Variants in HPCAL1 observed in about 807,000 individuals in gnomAD.
HPCAL1 encodes the protein hippocalcin-like protein 1.
Under a neutral mutation model 17.1 loss-of-function variants are expected in HPCAL1, and 8 were observed. The observed-to-expected ratio is 0.47, with a 90% CI of 0.27 to 0.84. The LOEUF (loss-of-function observed/expected upper bound fraction) is 0.84. Ranked by LOEUF, HPCAL1 falls within the 40% of genes least tolerant of loss-of-function variation. The pLI, the probability that HPCAL1 is intolerant of heterozygous loss-of-function variation, is 0.13. For missense variants in HPCAL1, 165 were observed against 271.1 expected (o/e 0.61, Z 2.75); for synonymous variants, 112 against 111.4 (o/e 1.01, Z -0.03).
chr2:10,417,940 A>G (rs10929663), intron 2 of HPCAL1, among the ~76,000 whole-genome samples: 105,490 of 151,494 alleles, frequency 0.7, 38,459 homozygotes, highest in African/African-American at 0.92. Context: ...TACTCAGGAG[A>G]CTGAGGTGGG....
rs182001240 is a variant in HPCAL1, at chr2:10,422,117, C to G, written c.379-866C>G. Among the ~76,000 whole-genome samples the G allele has an allele frequency of 7.8e-3, 1,193 of 152,296 alleles. 10 individuals carry two copies. Among genetic ancestry groups the G allele is most frequent in the Non-Finnish European group, 0.014 (921 of 68,018 alleles). On this transcript the variant is annotated intron_variant, in intron 3 of 4. Coordinates refer to ENST00000307845, the MANE Select transcript of HPCAL1 (RefSeq NM_002149.4). ...AGCAGTGAGGAGCAGCCACTTCTGTCCAAACGGGACAGCCCCCAAACCAAG... is the reference window on the plus strand; with the variant it reads ...AGCAGTGAGGAGCAGCCACTTCTGTGCAAACGGGACAGCCCCCAAACCAAG...
At chr2:10,345,487 G>T (rs1311300796) in intron 1 of HPCAL1, among the ~76,000 whole-genome samples, 3 of 151,226 alleles carry the variant, frequency 2.0e-5, no homozygotes, top group African/African-American at 7.3e-5. Flanking sequence ...TTGAGACAGG[G>T]TCTTGCTGTC....
Position 10,348,204 on chromosome 2 carries a change from C to T in HPCAL1, c.-111+45027C>T, listed in dbSNP as rs59560367. 1.3e-4 allele frequency among the ~76,000 whole-genome samples: 20 copies of T among 152,328 alleles called. No individual in the cohort carries two copies. The East Asian group carries it at 3.5e-3, about 26-fold the overall frequency. On this transcript the variant is annotated intron_variant, in intron 1 of 4. Transcript: ENST00000307845. ...GTGGCTCATGCCTGTAATCCCAGCACTTTGGGAGGCCAAGGTGGGCAGTTC... is the reference window on the plus strand; with the variant it reads ...GTGGCTCATGCCTGTAATCCCAGCATTTTGGGAGGCCAAGGTGGGCAGTTC...
chr2:10,408,069 G>A (rs1670084936), intron 2 of HPCAL1, among the ~76,000 whole-genome samples: 1 of 152,212 alleles, frequency 6.6e-6, no homozygotes, highest in African/African-American at 2.4e-5. Context: ...AAGGTGTGCA[G>A]GGACAGCCAC....
rs1323659018 is a variant in HPCAL1, at chr2:10,359,133, A to G, written c.-110-37702A>G. Among the ~76,000 whole-genome samples, 1 of 151,950 alleles carries G rather than the reference A, an allele frequency of 6.6e-6. No homozygotes were observed. Among genetic ancestry groups the G allele is most frequent in the African/African-American group, 2.4e-5 (1 of 41,282 alleles). ...CACTGACGAAGCGAGCCATACCCCC[A>G]TCACATGCCCTTTGAGGGGGAAAAG... On this transcript the variant is annotated intron_variant, in intron 1 of 4. Coordinates refer to ENST00000307845, the MANE Select transcript of HPCAL1 (RefSeq NM_002149.4). The surrounding 1 kb of genome is among the most constrained non-coding windows in gnomAD (Gnocchi z 4.1).
intron 1 of HPCAL1, among the ~76,000 whole-genome samples, chr2:10,350,336 T>C (rs1665764713): frequency 6.6e-6 from 1 of 151,290 alleles, no homozygotes; most frequent in African/African-American, 2.4e-5. Context: ...TTTTTTTTTT[T>C]TGAGGCAGGG....
intron 2 of HPCAL1, among the ~76,000 whole-genome samples, chr2:10,416,703 T>C (rs1443465512): frequency 7.2e-4 from 86 of 119,236 alleles, no homozygotes; most frequent in South Asian, 5.8e-3. Context: ...TACATTCCCT[T>C]TTTTTTTTTT....
intron 2 of HPCAL1, among the ~76,000 whole-genome samples, chr2:10,415,129 G>C (rs913431480): frequency 1.3e-5 from 2 of 152,206 alleles, no homozygotes; most frequent in African/African-American, 4.8e-5. Context: ...ACATAGCGCA[G>C]AGTGGGACAG....
intron 1 of HPCAL1, among the ~76,000 whole-genome samples, chr2:10,345,657 A>G (rs972281041): frequency 3.3e-5 from 5 of 151,952 alleles, no homozygotes; most frequent in African/African-American, 9.7e-5. Flanking sequence ...GGGTCTTGCT[A>G]TGCTGCCTGG....
In HPCAL1 at chr2:10,330,864, A is replaced by G. The variant is rs1341469355; in HGVS notation, c.-111+27687A>G. Reference sequence around the variant, plus strand: ...TGCGGACCCCGATCATCTTTGTGAGAATGCAGGTTCCCAGGCCCACACCGT... The same window carrying G: ...TGCGGACCCCGATCATCTTTGTGAGGATGCAGGTTCCCAGGCCCACACCGT... On this transcript the variant is annotated intron_variant, in intron 1 of 4. Transcript: ENST00000307845. The surrounding 1 kb of genome is among the most constrained non-coding windows in gnomAD (Gnocchi z 4.2). 6.6e-6 allele frequency among the ~76,000 whole-genome samples: 1 copy of G among 152,146 alleles called. No homozygotes were observed. Among genetic ancestry groups the G allele is most frequent in the Non-Finnish European group, 1.5e-5 (1 of 68,028 alleles).
At chr2:10,403,538 C>CAGTAGTGT (rs1275733520) in intron 2 of HPCAL1, among the ~76,000 whole-genome samples, 2 of 150,958 alleles carry the variant, frequency 1.3e-5, no homozygotes, top group Non-Finnish European at 2.9e-5. Flanking sequence ...GGCTGGAGTG[C>CAGTAGTGT]AGTAGTGTGA....
At chr2:10,382,421 T>C (rs1038737592) in intron 1 of HPCAL1, among the ~76,000 whole-genome samples, 1 of 152,018 alleles carries the variant, frequency 6.6e-6, no homozygotes, top group African/African-American at 2.4e-5. Context: ...TGAGTCCTAA[T>C]GTAACCTACG....
chr2:10,381,977 C>T (rs6710415), intron 1 of HPCAL1, among the ~76,000 whole-genome samples: 26,998 of 152,264 alleles, frequency 0.18, 3,080 homozygotes, highest in East Asian at 0.49. Context: ...CATGGGTGTT[C>T]ATAGCGACTT....
At chr2:10,313,973 G>C (rs1572616780) in intron 1 of HPCAL1, among the ~76,000 whole-genome samples, 1 of 151,794 alleles carries the variant, frequency 6.6e-6, no homozygotes, top group Non-Finnish European at 1.5e-5. Context: ...TCTACTAAAA[G>C]TATAAAAATT....
intron 2 of HPCAL1, among the ~76,000 whole-genome samples, chr2:10,418,463 A>C (rs1432263179): frequency 2.0e-5 from 3 of 150,858 alleles, no homozygotes; most frequent in East Asian, 1.9e-4. Context: ...AAAAAAAAAA[A>C]AAAAAAAACA....
intron 2 of HPCAL1, among the ~76,000 whole-genome samples, chr2:10,406,585 G>A (rs774137575): frequency 2.1e-4 from 32 of 152,218 alleles, no homozygotes; most frequent in Non-Finnish European, 2.1e-4. Context: ...CCCCAACTTC[G>A]CCTTCAAAGC....
rs1366600837 is a variant in HPCAL1, at chr2:10,427,593, T to C, written c.*772T>C. The C allele has an allele frequency of 2.0e-5, 3 of 152,258 alleles. No individual in the cohort carries two copies. Among genetic ancestry groups the C allele is most frequent in the Non-Finnish European group, 4.4e-5 (3 of 68,084 alleles). 9.4% of individuals were successfully genotyped at this position (152,258 alleles called of 1,614,324 possible). On this transcript the variant is annotated 3_prime_UTR_variant, in exon 5 of 5. Coordinates refer to ENST00000307845, the MANE Select transcript of HPCAL1 (RefSeq NM_002149.4). ...TGGTCTGGCATTTCCGGTATTAAAATGATAAAATAAATGGCATTTTCTGAG... is the reference window on the plus strand; with the variant it reads ...TGGTCTGGCATTTCCGGTATTAAAACGATAAAATAAATGGCATTTTCTGAG...
At chr2:10,329,041 G>T (rs1471941505) in intron 1 of HPCAL1, among the ~76,000 whole-genome samples, 1 of 152,002 alleles carries the variant, frequency 6.6e-6, no homozygotes, top group Non-Finnish European at 1.5e-5. Context: ...TGTTGCCCAG[G>T]CTAGTCTCCA....
chr2:10,348,454 A>T (rs1665608485), intron 1 of HPCAL1, among the ~76,000 whole-genome samples: 1 of 151,730 alleles, frequency 6.6e-6, no homozygotes. Flanking sequence ...ATCTCAAAAA[A>T]CAAAAAACAA....
Sources: allele counts gnomAD v4.1 joint callset (sites outside exome capture counted in the v4.1 genomes callset), GRCh38; gene constraint gnomAD v4.1.1; non-coding constraint Gnocchi (gnomAD v3.1); transcripts MANE v1.5; gene names NCBI Gene and HGNC (gene_info 2026-07-23, HGNC 2026-07-21).